The following WDR20 variants were observed in gnomAD, a reference collection of about 807,000 sequenced individuals.
The protein encoded by WDR20 is WD repeat domain 20.
Under a neutral mutation model 38.7 loss-of-function variants are expected in WDR20, and 3 were observed. The observed-to-expected ratio is 0.08, with a 90% confidence interval of 0.04 to 0.20. WDR20 has a LOEUF of 0.20. Ranked by LOEUF, WDR20 falls within the 10% of genes least tolerant of loss-of-function variation. The pLI, the probability that WDR20 is intolerant of heterozygous loss-of-function variation, is 1.00. For missense variants in WDR20, 559 were observed against 727.7 expected, an observed-to-expected ratio of 0.77 and a Z score of 2.67; for synonymous variants, 298 against 285.6, an observed-to-expected ratio of 1.04 and a Z score of -0.44.
intron 1 of WDR20, among the ~76,000 whole-genome samples, chr14:102,193,780 A>G (rs1478032985): frequency 6.6e-6 from 1 of 152,208 alleles, no homozygotes; most frequent in Non-Finnish European, 1.5e-5. Flanking sequence ...GTCAGTAGAG[A>G]ACTAGAGCCG....
chr14:102,214,681 A>G (rs1456340730), downstream of WDR20: 1 of 983,784 alleles, frequency 1.0e-6, no homozygotes, highest in Non-Finnish European at 1.2e-6. Context: ...GTGAAAATCA[A>G]AAGTAAAATT....
intron 2 of WDR20, among the ~76,000 whole-genome samples, chr14:102,202,652 T>C (rs1031760760): frequency 1.6e-4 from 25 of 152,272 alleles, no homozygotes; most frequent in African/African-American, 6.0e-4. Flanking sequence ...AGTACTGGGA[T>C]TACAGGTGTG....
chr14:102,214,623 A>C (rs1191986134), downstream of WDR20: 1 of 985,084 alleles, frequency 1.0e-6, no homozygotes, highest in Non-Finnish European at 1.2e-6. Flanking sequence ...AGTTTATTAG[A>C]GATTGTTATG....
chr14:102,185,365 A>G (rs2064379915), intron 1 of WDR20, among the ~76,000 whole-genome samples: 1 of 152,170 alleles, frequency 6.6e-6, no homozygotes. Context: ...GGCCACACTG[A>G]GAAAGGCTGG....
At chr14:102,174,225 A>T (rs1241238147) in intron 1 of WDR20, among the ~76,000 whole-genome samples, 1 of 152,020 alleles carries the variant, frequency 6.6e-6, no homozygotes, top group African/African-American at 2.4e-5. Context: ...TGTCTTTTTC[A>T]TGTAATGACT....
chr14:102,147,197 C>G (rs758679636), intron 1 of WDR20, among the ~76,000 whole-genome samples: 4 of 152,132 alleles, frequency 2.6e-5, no homozygotes, highest in African/African-American at 9.7e-5. Context: ...GAGTTCAAGA[C>G]CAGCCTGGCC....
intron 1 of WDR20, among the ~76,000 whole-genome samples, chr14:102,159,974 A>G (rs780551242): frequency 7.9e-5 from 12 of 152,150 alleles, no homozygotes; most frequent in Non-Finnish European, 1.6e-4. Context: ...GCATGGTGGT[A>G]CACATCTGTA....
At chr14:102,167,673 T>G (rs1217992309) in intron 1 of WDR20, 1 of 152,152 alleles carries the variant, frequency 6.6e-6, no homozygotes, top group Non-Finnish European at 1.5e-5. Context: ...CTAGATCCGG[T>G]CTCCCTGTTA....
In WDR20 at chr14:102,209,854, G is replaced by A; in HGVS notation, c.1684G>A (p.Gly562Ser). ...ATTTATTTGCACATGGGGAAGGCCT[G>A]GTAAAGTGGTAAGTTTTAATCCTTA... ...EGFICTWGRP[G>S]KVVSFNP The change falls in exon 3 of 3, where the codon GGT (glycine) becomes AGT (serine). Residue 562 changes from glycine (G) to serine (S), a missense_variant. Physicochemically the swap from Gly to Ser is moderately conservative, Grantham distance 56 (BLOSUM62 0). Transcript: ENST00000342702. The surrounding 1 kb of genome is among the most constrained non-coding windows in gnomAD (Gnocchi z 6.0). 6.2e-7 allele frequency: 1 copy of A among 1,611,774 alleles called. No homozygotes were observed.
At chr14:102,192,345 A>G (rs2058661279) in intron 1 of WDR20, among the ~76,000 whole-genome samples, 1 of 151,838 alleles carries the variant, frequency 6.6e-6, no homozygotes, top group Non-Finnish European at 1.5e-5. Flanking sequence ...ACGCCCGGCT[A>G]ATTTTTGTGT....
rs35477052 is a variant in WDR20 at position 102,140,462 on chromosome 14, A to G, written c.249+290A>G. Among the ~76,000 whole-genome samples the G allele has an allele frequency of 4.6e-3, 695 of 152,176 alleles. 6 individuals carry two copies. Among genetic ancestry groups the G allele is most frequent in the African/African-American group, 0.016 (644 of 41,518 alleles). On this transcript the variant is annotated intron_variant, in intron 1 of 2. Transcript: ENST00000342702. The stretch of plus-strand genomic sequence containing the variant: ...TGCGTCCCCTCCAGCCTGGTCCATC[A>G]GGCTCTGACATGGCCAGGGAGCGGG...
chr14:102,198,739 T>C (rs1238258665), intron 2 of WDR20, among the ~76,000 whole-genome samples: 1 of 152,092 alleles, frequency 6.6e-6, no homozygotes, highest in African/African-American at 2.4e-5. Flanking sequence ...AGATTGGTGT[T>C]TTTGAAAGGT....
intron 1 of WDR20, among the ~76,000 whole-genome samples, chr14:102,155,809 C>T (rs1284175852): frequency 6.6e-6 from 1 of 151,716 alleles, no homozygotes; most frequent in Non-Finnish European, 1.5e-5. Context: ...AGAGGGTCTC[C>T]CTGTCACCCA....
At chr14:102,146,004 A>T (rs1461795578) in intron 1 of WDR20, among the ~76,000 whole-genome samples, 43 of 147,588 alleles carry the variant, frequency 2.9e-4, no homozygotes, top group African/African-American at 7.9e-4. Flanking sequence ...TTTTTTTTTT[A>T]AATGGAAATG....
intron 1 of WDR20, among the ~76,000 whole-genome samples, chr14:102,159,603 G>T (rs549307334): frequency 1.3e-5 from 2 of 152,190 alleles, no homozygotes; most frequent in African/African-American, 4.8e-5. Flanking sequence ...GGAGGCTGAG[G>T]TGGGCAGATT....
At chr14:102,163,812 A>G (rs1275115423) in intron 1 of WDR20, among the ~76,000 whole-genome samples, 3 of 152,106 alleles carry the variant, frequency 2.0e-5, no homozygotes, top group South Asian at 2.1e-4. Flanking sequence ...TGCTTTCCCT[A>G]TCCTGGTGTC....
At chr14:102,179,937 G>A (rs1264814156) in intron 1 of WDR20, among the ~76,000 whole-genome samples, 1 of 152,156 alleles carries the variant, frequency 6.6e-6, no homozygotes, top group Admixed American at 6.5e-5. Context: ...CGGATCACTT[G>A]AGGTCAGGAG....
At chr14:102,166,559 TG>T (rs1001242433) in intron 1 of WDR20, among the ~76,000 whole-genome samples, 1 of 152,234 alleles carries the variant, frequency 6.6e-6, no homozygotes, top group Non-Finnish European at 1.5e-5. Flanking sequence ...AATATCTCAT[TG>T]TGATTCTGGA....
downstream of WDR20, among the ~76,000 whole-genome samples, chr14:102,224,225 A>G (rs1335585762): frequency 1.3e-5 from 2 of 151,900 alleles, no homozygotes; most frequent in Non-Finnish European, 2.9e-5. Flanking sequence ...TATTTTTAGT[A>G]GAGATGGGGT....
Sources: allele counts gnomAD v4.1 joint callset (sites outside exome capture counted in the v4.1 genomes callset), GRCh38; gene constraint gnomAD v4.1.1; non-coding constraint Gnocchi (gnomAD v3.1); transcripts MANE v1.5; gene names NCBI Gene and HGNC (gene_info 2026-07-23, HGNC 2026-07-21).